Variants in TSHZ3 observed in about 807,000 individuals in gnomAD.
The protein encoded by TSHZ3 is teashirt homolog 3.
A neutral mutation model predicts 64.5 loss-of-function variants in TSHZ3; 10 were observed. The ratio of observed to expected loss-of-function variants is 0.16; its 90% CI spans 0.10 to 0.26. The LOEUF (loss-of-function observed/expected upper bound fraction) is 0.26. Ranked by LOEUF, TSHZ3 falls within the 10% of genes least tolerant of loss-of-function variation. The pLI, the probability that TSHZ3 is intolerant of heterozygous loss-of-function variation, is 1.00. For missense variants in TSHZ3, 1,242 were observed against 1,421.7 expected, an observed-to-expected ratio of 0.87 and a Z score of 2.03; for synonymous variants, 608 against 593.1, an observed-to-expected ratio of 1.03 and a Z score of -0.36.
chr19:31,314,069 G>T (rs567845976), intron 1 of TSHZ3, among the ~76,000 whole-genome samples: 2 of 152,324 alleles, frequency 1.3e-5, no homozygotes, highest in African/African-American at 4.8e-5. Context: ...TCGAGTGGCT[G>T]TTGGGCTCAC....
At chr19:31,307,167 T>G (rs1916324104) in intron 1 of TSHZ3, among the ~76,000 whole-genome samples, 1 of 152,164 alleles carries the variant, frequency 6.6e-6, no homozygotes, top group Non-Finnish European at 1.5e-5. Context: ...TTCCCATAAT[T>G]TTGGAAGCTG....
intron 1 of TSHZ3, among the ~76,000 whole-genome samples, chr19:31,299,143 C>T (rs990289716): frequency 6.6e-6 from 1 of 152,100 alleles, no homozygotes; most frequent in African/African-American, 2.4e-5. Context: ...TGCAGTAAGC[C>T]GGGATTTCAC....
At chr19:31,154,957 ACAGGTAAAGATG>A (rs1164891934) in intron 6 of TSHZ3, among the ~76,000 whole-genome samples, 11 of 152,314 alleles carry the variant, frequency 7.2e-5, no homozygotes, top group Non-Finnish European at 1.3e-4. Context: ...TCCCAACTTC[ACAGGTAAAGATG>A]CCAGGTTTGC....
intron 1 of TSHZ3, among the ~76,000 whole-genome samples, chr19:31,261,037 C>A (rs530367872): frequency 6.6e-6 from 1 of 152,286 alleles, no homozygotes; most frequent in Non-Finnish European, 1.5e-5. Flanking sequence ...TCCTAGAGGA[C>A]CTTTCAGGCT....
chr19:31,257,519 C>T (rs901662981), intron 1 of TSHZ3, among the ~76,000 whole-genome samples: 2 of 152,332 alleles, frequency 1.3e-5, no homozygotes, highest in East Asian at 3.9e-4. Context: ...GGCAATGGGG[C>T]TCCACCCCAG....
At chr19:31,203,698 C>T (rs546730353) in intron 5 of TSHZ3, among the ~76,000 whole-genome samples, 6 of 152,142 alleles carry the variant, frequency 3.9e-5, no homozygotes, top group Non-Finnish European at 8.8e-5. Flanking sequence ...CCTGAGCACA[C>T]ACACAGAGGG....
At chr19:31,246,176 A>G (rs193266995) in intron 1 of TSHZ3, among the ~76,000 whole-genome samples, 36 of 152,304 alleles carry the variant, frequency 2.4e-4, no homozygotes, top group African/African-American at 8.7e-4. Flanking sequence ...ACACTATCAA[A>G]TCATTTATAT....
rs779435116 is a variant in TSHZ3 at position 31,277,727 on chromosome 19, T to C, written c.2066A>G (p.Glu689Gly). Residue 689 changes from glutamate (E) to glycine (G), a missense_variant, in exon 2 of 2, where the codon GAG becomes GGG. By Grantham distance (98) the Glu-to-Gly change is moderately conservative (BLOSUM62 -2). This residue lies in a region of TSHZ3 where 550 missense variants were observed against 545.1 expected (regional missense o/e 1.01). Transcript: ENST00000240587. This position sits in a 1 kb window ranked among gnomAD's most constrained non-coding sequence, Gnocchi z 4.5. ...GGGCTTCACCAGCTCCTTGCCATTC[T>C]CCACCGGCTCAGCGAGGGGGCTCCC... Reference protein sequence around the residue: ...KDGSPLAEPVENGKELVKPLA... With the variant: ...KDGSPLAEPVGNGKELVKPLA... 2.0e-6 allele frequency: 3 copies of C among 1,522,136 alleles called. No individual in the cohort carries two copies. The highest frequency in any genetic ancestry group is 2.6e-6 in the Non-Finnish European group (3 of 1,137,236). 94.3% of individuals were successfully genotyped at this position (1,522,136 alleles called of 1,614,324 possible). A position where few individuals can be genotyped will look rare whatever the true frequency, so the allele number is the denominator to read the frequency against.
At chr19:31,234,393 G>A (rs1435651130) in intron 3 of TSHZ3, among the ~76,000 whole-genome samples, 1 of 151,922 alleles carries the variant, frequency 6.6e-6, no homozygotes, top group Non-Finnish European at 1.5e-5. Context: ...TTATGGCATT[G>A]GCTAGGACAT....
Position 31,308,413 on chromosome 19 carries a change from TCCC to T in TSHZ3, c.41-28664_41-28662del, listed in dbSNP as rs963915001. 8 of 378,576 alleles carry T rather than the reference TCCC, an allele frequency of 2.1e-5. 1 individual carries two copies. In the East Asian group the frequency reaches 2.3e-4, roughly 11 times the overall value. 23.5% of individuals were successfully genotyped at this position (378,576 alleles called of 1,614,324 possible). A position where few individuals can be genotyped will look rare whatever the true frequency, so the allele number is the denominator to read the frequency against. ...AATAAGGGAAAATGCGCTGGAACAT[TCCC>T]CCGACAGGCAAAATAGAGACAGCTC... is the stretch of plus-strand genomic sequence containing the variant. On this transcript the variant is annotated intron_variant, in intron 1 of 1. Coordinates refer to ENST00000240587, the MANE Select transcript of TSHZ3 (RefSeq NM_020856.4).
At chr19:31,280,852 T>TTTTTTG (rs1044653605) in intron 1 of TSHZ3, among the ~76,000 whole-genome samples, 3 of 152,202 alleles carry the variant, frequency 2.0e-5, no homozygotes, top group South Asian at 2.1e-4. Flanking sequence ...ACAGGGTGTT[T>TTTTTTG]TTTTTGTTTT....
At chr19:31,194,928 C>G (rs1015427333) in intron 5 of TSHZ3, among the ~76,000 whole-genome samples, 4 of 152,024 alleles carry the variant, frequency 2.6e-5, no homozygotes, top group African/African-American at 9.7e-5. Flanking sequence ...ATAAAAAACA[C>G]TATAATAGAA....
At chr19:31,258,652 G>C (rs1284057896) in intron 1 of TSHZ3, among the ~76,000 whole-genome samples, 1 of 152,196 alleles carries the variant, frequency 6.6e-6, no homozygotes, top group Non-Finnish European at 1.5e-5. Flanking sequence ...GCCTAACACA[G>C]TGCCTTGTCC....
At chr19:31,300,231 AC>A (rs1976731389) in intron 1 of TSHZ3, among the ~76,000 whole-genome samples, 1 of 152,150 alleles carries the variant, frequency 6.6e-6, no homozygotes, top group African/African-American at 2.4e-5. Flanking sequence ...GACTACTCTA[AC>A]CCTTGTCACT....
intron 5 of TSHZ3, among the ~76,000 whole-genome samples, chr19:31,169,592 C>T (rs548315010): frequency 2.0e-5 from 3 of 152,120 alleles, no homozygotes; most frequent in South Asian, 2.1e-4. Context: ...CTGAGTTGTA[C>T]ACTTAAAAAT....
At chr19:31,220,218 G>A (rs150407671) in intron 4 of TSHZ3, among the ~76,000 whole-genome samples, 5 of 152,260 alleles carry the variant, frequency 3.3e-5, no homozygotes, top group African/African-American at 7.2e-5. Flanking sequence ...GAGAAGCATC[G>A]GCTGCAACTT....
intron 5 of TSHZ3, among the ~76,000 whole-genome samples, chr19:31,173,287 A>G (rs1481648602): frequency 6.6e-6 from 1 of 152,202 alleles, no homozygotes; most frequent in Non-Finnish European, 1.5e-5. Context: ...CAGAGGAGAC[A>G]AGATGACTTC....
chr19:31,186,324 C>T (rs1974809569), intron 5 of TSHZ3, among the ~76,000 whole-genome samples: 1 of 152,118 alleles, frequency 6.6e-6, no homozygotes, highest in Admixed American at 6.5e-5. Flanking sequence ...CGGGAAGGAC[C>T]TGGTGGAAGG....
Sources: allele counts gnomAD v4.1 joint callset (sites outside exome capture counted in the v4.1 genomes callset), GRCh38; gene constraint gnomAD v4.1.1; regional missense constraint gnomAD v4.1.1; non-coding constraint Gnocchi (gnomAD v3.1); transcripts MANE v1.5; gene names NCBI Gene and HGNC (gene_info 2026-07-23, HGNC 2026-07-21).